DIAPH2: variants seen among roughly 807,000 people sequenced by gnomAD.
The protein encoded by DIAPH2 is diaphanous related formin 2, also known as protein diaphanous homolog 2.
In DIAPH2, 35 loss-of-function variants were observed where a neutral mutation model predicts 92.7. That is an observed-to-expected ratio of 0.38 (90% CI 0.29 to 0.50). DIAPH2 has a LOEUF of 0.50. Among genes scored for constraint, DIAPH2 ranks in the 20% least tolerant of loss-of-function variants. The pLI, the probability that DIAPH2 is intolerant of heterozygous loss-of-function variation, is 0.94. For synonymous variants in DIAPH2, 301 were observed against 280.4 expected (o/e 1.07, Z -0.73); for missense variants, 701 against 819.5 (o/e 0.86, Z 1.77).
chrX:97,041,896 C>T (rs1014181941), intron 17 of DIAPH2, among the ~76,000 whole-genome samples: 17 of 111,115 alleles, frequency 1.5e-4, no homozygotes, highest in African/African-American at 5.5e-4. Context: ...CATTAGTATA[C>T]GTTTTTGGTA....
At chrX:97,034,820 G>T (rs1011873010) in intron 17 of DIAPH2, among the ~76,000 whole-genome samples, 2 of 111,129 alleles carry the variant, frequency 1.8e-5, no homozygotes, top group Non-Finnish European at 3.8e-5. Context: ...GTGTAACAGT[G>T]AGCATGGTAT....
At chrX:97,120,560 G>A (rs1169039640) in intron 21 of DIAPH2, among the ~76,000 whole-genome samples, 1 of 105,847 alleles carries the variant, frequency 9.4e-6, no homozygotes, top group Non-Finnish European at 1.9e-5. Flanking sequence ...CGTCTGCCAT[G>A]ATCCTCCCAC....
intron 5 of DIAPH2, among the ~76,000 whole-genome samples, chrX:96,899,755 C>T (rs1220766741): frequency 9.1e-6 from 1 of 109,554 alleles, no homozygotes; most frequent in Admixed American, 9.7e-5. Context: ...CCAGAACTTC[C>T]AACACTATGT....
intron 17 of DIAPH2, among the ~76,000 whole-genome samples, chrX:96,990,632 T>C (rs2066063416): frequency 8.9e-6 from 1 of 111,856 alleles, no homozygotes; most frequent in African/African-American, 3.3e-5. Flanking sequence ...GGGCTACATC[T>C]GATACTTTGA....
intron 26 of DIAPH2, among the ~76,000 whole-genome samples, chrX:97,590,246 G>A (rs752331328): frequency 1.8e-5 from 2 of 111,724 alleles, no homozygotes; most frequent in Admixed American, 9.5e-5. Flanking sequence ...TGAAACTAGC[G>A]AGCCTGCATA....
intron 26 of DIAPH2, among the ~76,000 whole-genome samples, chrX:97,558,094 C>T (rs1160303036): frequency 1.8e-5 from 2 of 111,810 alleles, no homozygotes; most frequent in Non-Finnish European, 3.8e-5. Context: ...CATCTACGAA[C>T]GAGATTATGT....
chrX:96,850,991 T>A (rs751809807), intron 4 of DIAPH2, among the ~76,000 whole-genome samples: 7 of 111,954 alleles, frequency 6.3e-5, no homozygotes. Context: ...CATTCTACAG[T>A]GAGGTACAAT....
At chrX:97,363,411 CT>C (rs2069344730) in intron 24 of DIAPH2, among the ~76,000 whole-genome samples, 1 of 109,683 alleles carries the variant, frequency 9.1e-6, no homozygotes, top group Non-Finnish European at 1.9e-5. Context: ...AATCCCAGCA[CT>C]TTGGGAGGCT....
chrX:96,917,531 G>A (rs2147783816), intron 8 of DIAPH2, among the ~76,000 whole-genome samples: 1 of 111,464 alleles, frequency 9.0e-6, no homozygotes, highest in Admixed American at 9.5e-5. Flanking sequence ...GTTTATACAT[G>A]TGTAAGAAAT....
intron 21 of DIAPH2, among the ~76,000 whole-genome samples, chrX:97,119,811 G>C (rs2067042544): frequency 9.0e-6 from 1 of 111,306 alleles, no homozygotes; most frequent in Non-Finnish European, 1.9e-5. Context: ...CATGCAGGTT[G>C]TCAGGAAAGT....
At chrX:97,368,390 C>T (rs901933921) in intron 24 of DIAPH2, among the ~76,000 whole-genome samples, 13 of 112,050 alleles carry the variant, frequency 1.2e-4, no homozygotes, top group South Asian at 3.7e-4. Context: ...TATTCTTCAT[C>T]GGACATCAGG....
intron 21 of DIAPH2, among the ~76,000 whole-genome samples, chrX:97,137,016 C>G (rs761825859): frequency 9.2e-6 from 1 of 108,269 alleles, no homozygotes; most frequent in African/African-American, 3.4e-5. Context: ...CATCATTTAT[C>G]TCTTATCCCT....
chrX:97,574,687 C>T (rs1037654716), intron 26 of DIAPH2, among the ~76,000 whole-genome samples: 1 of 112,005 alleles, frequency 8.9e-6, no homozygotes, highest in Non-Finnish European at 1.9e-5. Context: ...CAACTGTTAA[C>T]ATTGCTGGAA....
Position 97,048,381 on chromosome X carries a change from G to T in DIAPH2, c.2051-24560G>T, listed in dbSNP as rs190390701. Among the ~76,000 whole-genome samples, 321 of 111,466 alleles carry T rather than the reference G, an allele frequency of 2.9e-3. 3 individuals carry two copies. Among genetic ancestry groups the T allele is most frequent in the African/African-American group, 1.0e-2 (308 of 30,806 alleles). Reference sequence around the variant, plus strand: ...AGAAACATAGCATTCCTTATGATTAGATTCAGGATATATGTTCTTAGCCAG... The same window carrying T: ...AGAAACATAGCATTCCTTATGATTATATTCAGGATATATGTTCTTAGCCAG... On this transcript the variant is annotated intron_variant, in intron 17 of 26. Transcript: ENST00000324765.
intron 26 of DIAPH2, chrX:97,528,465 C>T (rs1272473993): frequency 2.7e-5 from 3 of 111,904 alleles, no homozygotes; most frequent in African/African-American, 9.8e-5. Context: ...AGGTTAATTC[C>T]ATTTATGGCA....
intron 17 of DIAPH2, among the ~76,000 whole-genome samples, chrX:96,975,754 G>A (rs967525621): frequency 9.0e-6 from 1 of 110,994 alleles, no homozygotes; most frequent in African/African-American, 3.3e-5. Context: ...ATTATGGAGG[G>A]TAGCTTCTTT....
intron 9 of DIAPH2, among the ~76,000 whole-genome samples, chrX:96,930,257 G>T (rs1474772925): frequency 9.1e-6 from 1 of 110,437 alleles, no homozygotes; most frequent in African/African-American, 3.3e-5. Context: ...AGGATGGAGA[G>T]AGTTTAAATC....
intron 17 of DIAPH2, among the ~76,000 whole-genome samples, chrX:97,016,171 CCAAGTGTGAGATCGA>C (rs1420590268): frequency 8.9e-6 from 1 of 111,943 alleles, no homozygotes; most frequent in Non-Finnish European, 1.9e-5. Flanking sequence ...GGGCAGTTCA[CCAAGTGTGAGATCGA>C]CATTTAATGT....
intron 23 of DIAPH2, among the ~76,000 whole-genome samples, chrX:97,283,093 G>C (rs1427313011): frequency 8.9e-6 from 1 of 111,920 alleles, no homozygotes; most frequent in Non-Finnish European, 1.9e-5. Context: ...AACCAGTTAT[G>C]TAATTTGCAT....
Sources: allele counts gnomAD v4.1 joint callset (sites outside exome capture counted in the v4.1 genomes callset), GRCh38; gene constraint gnomAD v4.1.1; transcripts MANE v1.5; gene names NCBI Gene and HGNC (gene_info 2026-07-23, HGNC 2026-07-21).